BCAT2: variants seen among roughly 807,000 people sequenced by gnomAD.
BCAT2 encodes branched chain amino acid transaminase 2.
BCAT2 carries 44 observed loss-of-function variants against 52.9 expected under a neutral mutation model. That is an observed-to-expected ratio of 0.83 (90% confidence interval 0.65 to 1.07). The LOEUF (loss-of-function observed/expected upper bound fraction) is 1.07. BCAT2 is among the 50% of genes least tolerant of loss of function. BCAT2 has a pLI of 0.00. For synonymous variants in BCAT2, 215 were observed against 217.1 expected (o/e 0.99, Z 0.08); for missense variants, 478 against 521.8 (o/e 0.92, Z 0.82).
chr19:48,809,687 G>GCC (rs1048900313), intron 1 of BCAT2, among the ~76,000 whole-genome samples: 3 of 151,460 alleles, frequency 2.0e-5, no homozygotes, highest in Non-Finnish European at 4.4e-5. Flanking sequence ...CCTATCCAAA[G>GCC]CCCAGCACTT....
rs764489541 is a variant in BCAT2 at position 48,797,251 on chromosome 19, G to A, written c.778C>T (p.His260Tyr). ...ATGGTTCCCACCTCGGTGAGCTGGT[G>A]GTCGGGCCCATACAGCCAGAGGACC... ...EQVLWLYGPD[H>Y]QLTEVGTMNI... The change falls in exon 7 of 11, where the codon CAC (histidine) becomes TAC (tyrosine). Residue 260 changes from histidine to tyrosine, a missense_variant. By Grantham distance (83) the His-to-Tyr change is moderately conservative. Transcript: ENST00000316273. 34 of 1,613,882 alleles carry A rather than the reference G, an allele frequency of 2.1e-5. No homozygotes were observed. In the East Asian group the frequency reaches 4.7e-4, roughly 22 times the overall value.
Position 48,810,970 on chromosome 19 carries a change from G to A in BCAT2, c.24+14C>T. On this transcript the variant is annotated intron_variant, in intron 1 of 10. Transcript: ENST00000316273. ...GGTTATTTCCCAGACCCCGGCGCGG[G>A]GCTGCGAACCCACCTGCCCCAGAGC... 6.2e-7 allele frequency: 1 copy of A among 1,607,750 alleles called. No individual in the cohort carries two copies.
chr19:48,807,302 T>G lies in BCAT2; in HGVS notation c.25-228A>C. 1 of 476,806 alleles carries G rather than the reference T, an allele frequency of 2.1e-6. No homozygotes were observed. The highest frequency in any genetic ancestry group is 3.8e-5 in the Admixed American group (1 of 26,040). The allele number at this position is 476,806 out of a possible 1,614,324, so 29.5% of individuals were successfully genotyped here. ...TCAGCTCCCGCCCCCTCCTCCATGC[T>G]GCGGCAAAGTCAAACGCAAGCGCCT... On this transcript the variant is annotated intron_variant, in intron 1 of 10. Coordinates refer to ENST00000316273, the MANE Select transcript of BCAT2 (RefSeq NM_001190.4). The surrounding 1 kb of genome is among the most constrained non-coding windows in gnomAD (Gnocchi z 4.6).
chr19:48,808,681 G>A (rs1488457147), intron 1 of BCAT2, among the ~76,000 whole-genome samples: 2 of 152,088 alleles, frequency 1.3e-5, no homozygotes, highest in East Asian at 1.9e-4. Context: ...CTTAAACCCA[G>A]GAGGCGGAGG....
Position 48,796,430 on chromosome 19 carries a change from G to A in BCAT2, c.1138C>T (p.Gln380Ter). Residue 380 changes from glutamine to a stop codon, truncating the protein, a stop_gained and splice_region_variant, in exon 10 of 11, where the codon CAG becomes TAG. Transcript: ENST00000316273. LOFTEE classifies it high-confidence loss of function. ...LRFQKELKEI[Q>*]YGIRAHEWMF... ...TTCCCCAGCTCCCTGCAGCTCACCT[G>A]GATCTCCTTCAGCTCCTTCTGGAAG... 6.2e-7 allele frequency: 1 copy of A among 1,614,106 alleles called. No homozygotes were observed. The highest frequency in any genetic ancestry group is 8.5e-7 in the Non-Finnish European group (1 of 1,180,000).
chr19:48,795,165 C>T lies in BCAT2; in HGVS notation c.*261G>A, dbSNP rs1599789592. On this transcript the variant is annotated 3_prime_UTR_variant, in exon 11 of 11. Coordinates refer to ENST00000316273, the MANE Select transcript of BCAT2 (RefSeq NM_001190.4). ...GCCTGAGAACGGAGAGATCCGGAAT[C>T]GGGGCCAAGGTGTATCCTTGACCGC... 1.8e-6 allele frequency: 1 copy of T among 548,736 alleles called. No homozygotes were observed. The highest frequency in any genetic ancestry group is 3.3e-6 in the Non-Finnish European group (1 of 306,216). The allele number at this position is 548,736 out of a possible 1,614,324, so 34.0% of individuals were successfully genotyped here.
In BCAT2 at chr19:48,799,510, T is replaced by C. The variant is rs2034605965; in HGVS notation, c.695+165A>G. The C allele has an allele frequency of 1.2e-6, 1 of 861,014 alleles. No individual in the cohort carries two copies. The highest frequency in any genetic ancestry group is 1.6e-6 in the Non-Finnish European group (1 of 607,840). 53.3% of individuals were successfully genotyped at this position (861,014 alleles called of 1,614,324 possible). On this transcript the variant is annotated intron_variant, in intron 6 of 10. Coordinates refer to ENST00000316273, the MANE Select transcript of BCAT2 (RefSeq NM_001190.4). This position sits in a 1 kb window ranked among gnomAD's most constrained non-coding sequence, Gnocchi z 5.5. ...AATCCCCTCCTCCTTCCTTCCATGGTTTGTTTTCAGGGACCAGGGAGGTCA... is the reference window on the plus strand; with the variant it reads ...AATCCCCTCCTCCTTCCTTCCATGGCTTGTTTTCAGGGACCAGGGAGGTCA...
In BCAT2 at chr19:48,800,222, G is replaced by T. The variant is rs753795402; in HGVS notation, c.376C>A (p.Arg126=). ...RLFRPWLNMD[R]MLRSAMRLCL... ...AGGCGCATGGCTGAGCGCAGCATCCGGTCCATGTTGAGCCAGGGGCGGAAG... is the reference window on the plus strand; with the variant it reads ...AGGCGCATGGCTGAGCGCAGCATCCTGTCCATGTTGAGCCAGGGGCGGAAG... The change falls in exon 4 of 11, where the codon CGG becomes AGG. Residue 126 remains arginine, a synonymous_variant. Transcript: ENST00000316273. 6.2e-7 allele frequency: 1 copy of T among 1,613,828 alleles called. No homozygotes were observed. Among genetic ancestry groups the T allele is most frequent in the South Asian group, 1.1e-5 (1 of 91,084 alleles).
intron 3 of BCAT2, among the ~76,000 whole-genome samples, chr19:48,802,148 T>C (rs1457467267): frequency 1.3e-5 from 2 of 152,102 alleles, no homozygotes; most frequent in Non-Finnish European, 2.9e-5. Context: ...GAGAAGATAG[T>C]CAATTTCATT....
intron 3 of BCAT2, among the ~76,000 whole-genome samples, chr19:48,803,794 G>A (rs1278849695): frequency 6.6e-6 from 1 of 152,150 alleles, no homozygotes; most frequent in Non-Finnish European, 1.5e-5. Flanking sequence ...TAGGTATGGG[G>A]GATTAAACAG....
intron 6 of BCAT2, 140 bp from the exon 7 acceptor site, chr19:48,797,473 T>C: frequency 9.5e-7 from 1 of 1,050,618 alleles, no homozygotes; most frequent in Non-Finnish European, 1.4e-6. Context: ...TGAGATGGAA[T>C]CCTTGACTTT....
chr19:48,801,460 T>A (rs1277994642), intron 3 of BCAT2, among the ~76,000 whole-genome samples: 1 of 151,982 alleles, frequency 6.6e-6, no homozygotes, highest in Non-Finnish European at 1.5e-5. Flanking sequence ...ACAGACTGAA[T>A]AATGGAATAG....
At chr19:48,809,892 G>A (rs893638626) in intron 1 of BCAT2, among the ~76,000 whole-genome samples, 1 of 151,720 alleles carries the variant, frequency 6.6e-6, no homozygotes, top group African/African-American at 2.4e-5. Context: ...TCCACACCCC[G>A]GGACTGTCCC....
intron 1 of BCAT2, chr19:48,810,760 C>T (rs2122711261): frequency 1.5e-6 from 2 of 1,312,100 alleles, no homozygotes; most frequent in East Asian, 3.2e-5. Flanking sequence ...TTTTACCTCC[C>T]CGCCAATTAC....
chr19:48,797,798 C>CT (rs1177001240), intron 6 of BCAT2, among the ~76,000 whole-genome samples: 2 of 129,116 alleles, frequency 1.5e-5, no homozygotes, highest in African/African-American at 5.9e-5. Context: ...AAAACCATTT[C>CT]TTTTTTTCTT....
At chr19:48,808,011 GTGGCC>G in intron 1 of BCAT2, 4 of 986,428 alleles carry the variant, frequency 4.1e-6, no homozygotes, top group Non-Finnish European at 4.8e-6. Context: ...GAGAGACAGA[GTGGCC>G]TGGCCTGGCC....
chr19:48,796,442 G>C lies in BCAT2; in HGVS notation c.1126C>G (p.Leu376Val). The C allele has an allele frequency of 6.2e-7, 1 of 1,614,132 alleles. No homozygotes were observed. The highest frequency in any genetic ancestry group is 1.3e-5 in the African/African-American group (1 of 75,046). ...PELILRFQKE[L>V]KEIQYGIRAH... The stretch of plus-strand genomic sequence containing the variant: ...CTGCAGCTCACCTGGATCTCCTTCA[G>C]CTCCTTCTGGAAGCGGAGGATCAGC... The change falls in exon 10 of 11, where the codon CTG becomes GTG. Residue 376 changes from leucine (L) to valine (V), a missense_variant. Transcript: ENST00000316273.
intron 1 of BCAT2, 83 bp downstream of exon 1, chr19:48,810,901 G>T: frequency 6.4e-7 from 1 of 1,560,536 alleles, no homozygotes; most frequent in Non-Finnish European, 8.7e-7. Context: ...CGCCGAGTCG[G>T]ACCGGCTGCA....
intron 10 of BCAT2, 118 bp downstream of exon 10, chr19:48,796,310 G>A (rs751240298): frequency 2.3e-6 from 3 of 1,296,452 alleles, no homozygotes; most frequent in Admixed American, 1.9e-5. Context: ...AATAAGAAAG[G>A]CCATTATCTG....
Sources: allele counts gnomAD v4.1 joint callset (sites outside exome capture counted in the v4.1 genomes callset), GRCh38; gene constraint gnomAD v4.1.1; non-coding constraint Gnocchi (gnomAD v3.1); transcripts MANE v1.5; gene names NCBI Gene and HGNC (gene_info 2026-07-23, HGNC 2026-07-21).